THSD4: variants seen among roughly 807,000 people sequenced by gnomAD.
The protein encoded by THSD4 is thrombospondin type-1 domain-containing protein 4.
A neutral mutation model predicts 119.0 loss-of-function variants in THSD4; 69 were observed. The observed-to-expected ratio is 0.58, with a 90% CI of 0.48 to 0.71. THSD4 has a LOEUF of 0.71. THSD4 is among the 30% of genes least tolerant of loss of function. The pLI, the probability that THSD4 is intolerant of heterozygous loss-of-function variation, is 0.00. For missense variants in THSD4, 1,393 were observed against 1,391.1 expected, an observed-to-expected ratio of 1.00 and a Z score of -0.02; for synonymous variants, 524 against 540.4, an observed-to-expected ratio of 0.97 and a Z score of 0.42.
chr15:71,735,472 T>TCTCTCTCACTCTCTC (rs1356932351), intron 10 of THSD4, among the ~76,000 whole-genome samples: 1 of 144,784 alleles, frequency 6.9e-6, no homozygotes, highest in African/African-American at 2.6e-5. Context: ...CTCTCTCTCT[T>TCTCTCTCACTCTCTC]TCTCACTAGC....
chr15:71,517,064 G>A (rs567146510), intron 7 of THSD4, among the ~76,000 whole-genome samples: 127 of 152,284 alleles, frequency 8.3e-4, no homozygotes, highest in Admixed American at 1.8e-3. Flanking sequence ...TAAAGCAGCA[G>A]ACATTTCACT....
chr15:71,503,773 C>T (rs1303487301), intron 7 of THSD4, among the ~76,000 whole-genome samples: 1 of 152,146 alleles, frequency 6.6e-6, no homozygotes, highest in East Asian at 1.9e-4. Context: ...GGTTGTTGGC[C>T]TAATGTATTG....
At chr15:71,604,075 A>C (rs2050062230) in intron 7 of THSD4, among the ~76,000 whole-genome samples, 1 of 152,214 alleles carries the variant, frequency 6.6e-6, no homozygotes, top group Admixed American at 6.5e-5. Context: ...GAAACATGAA[A>C]GTGCTGAAGA....
intron 6 of THSD4, among the ~76,000 whole-genome samples, chr15:71,281,411 T>G (rs1183382083): frequency 6.6e-6 from 1 of 152,262 alleles, no homozygotes; most frequent in Non-Finnish European, 1.5e-5. Flanking sequence ...AGAAATGTGA[T>G]TCAAGCGAAA....
chr15:71,516,970 A>G (rs867682984), intron 7 of THSD4, among the ~76,000 whole-genome samples: 6 of 152,322 alleles, frequency 3.9e-5, no homozygotes, highest in Admixed American at 3.3e-4. Flanking sequence ...AACGGCTGCC[A>G]TATTGGGCAG....
chr15:71,332,262 T>C (rs1159727999), intron 6 of THSD4, among the ~76,000 whole-genome samples: 1 of 152,218 alleles, frequency 6.6e-6, no homozygotes, highest in Non-Finnish European at 1.5e-5. Context: ...GCTGGAGCCG[T>C]TGGTCAATTT....
intron 7 of THSD4, among the ~76,000 whole-genome samples, chr15:71,502,267 G>A (rs1158343411): frequency 6.6e-6 from 1 of 152,082 alleles, no homozygotes. Flanking sequence ...TATAATATAG[G>A]GTCAGCCCAG....
At chr15:71,263,443 A>G (rs955662169) in intron 6 of THSD4, among the ~76,000 whole-genome samples, 2 of 151,944 alleles carry the variant, frequency 1.3e-5, no homozygotes, top group South Asian at 2.1e-4. Flanking sequence ...ACATACATGC[A>G]TATGTTCATA....
intron 3 of THSD4, chr15:71,183,022 C>T (rs1049013317): frequency 2.6e-5 from 4 of 151,938 alleles, no homozygotes; most frequent in Admixed American, 2.0e-4. Flanking sequence ...AACCTGGACT[C>T]TGTATTAGTC....
chr15:71,472,914 AC>A (rs1031826320), intron 7 of THSD4, among the ~76,000 whole-genome samples: 1 of 152,214 alleles, frequency 6.6e-6, no homozygotes, highest in African/African-American at 2.4e-5. Context: ...TAACTCTGGC[AC>A]GGAGAATACC....
chr15:71,592,747 A>G (rs2049831323), intron 7 of THSD4, among the ~76,000 whole-genome samples: 1 of 152,036 alleles, frequency 6.6e-6, no homozygotes, highest in African/African-American at 2.4e-5. Context: ...TGAGAACAGC[A>G]TGCATTAGAA....
intron 6 of THSD4, among the ~76,000 whole-genome samples, chr15:71,350,455 C>T (rs1432697481): frequency 6.6e-6 from 1 of 152,112 alleles, no homozygotes; most frequent in Non-Finnish European, 1.5e-5. Flanking sequence ...AGTTCTGCAC[C>T]TGGGGCTGCC....
chr15:71,330,049 T>C (rs1210051020), intron 6 of THSD4, among the ~76,000 whole-genome samples: 4 of 148,474 alleles, frequency 2.7e-5, no homozygotes, highest in Non-Finnish European at 4.5e-5. Flanking sequence ...CATTGCACAA[T>C]CTAAACTGGG....
intron 4 of THSD4, among the ~76,000 whole-genome samples, chr15:71,228,097 G>A (rs1331210643): frequency 6.6e-6 from 1 of 152,082 alleles, no homozygotes; most frequent in Non-Finnish European, 1.5e-5. Flanking sequence ...TTGGAAAAAG[G>A]GTCTTTTCAG....
intron 6 of THSD4, among the ~76,000 whole-genome samples, chr15:71,274,261 T>C (rs1184829511): frequency 6.6e-6 from 1 of 152,208 alleles, no homozygotes; most frequent in Non-Finnish European, 1.5e-5. Flanking sequence ...CAACTGTCAT[T>C]TCATCATTCA....
intron 7 of THSD4, among the ~76,000 whole-genome samples, chr15:71,462,550 AC>A (rs2047443646): frequency 6.6e-6 from 1 of 152,318 alleles, no homozygotes; most frequent in African/African-American, 2.4e-5. Flanking sequence ...CAGTGATAAA[AC>A]ACATGCCACC....
intron 5 of THSD4, among the ~76,000 whole-genome samples, chr15:71,244,941 C>G (rs2044186828): frequency 6.6e-6 from 1 of 152,236 alleles, no homozygotes; most frequent in South Asian, 2.1e-4. Flanking sequence ...CTGATGCCCG[C>G]TTAGCATTCC....
At chr15:71,775,016 C>G (rs903058098) in intron 17 of THSD4, among the ~76,000 whole-genome samples, 1 of 151,922 alleles carries the variant, frequency 6.6e-6, no homozygotes, top group Non-Finnish European at 1.5e-5. Context: ...CATGGTGGCA[C>G]GTGCATGTAG....
Position 71,207,634 on chromosome 15 carries a change from G to A in THSD4, c.100-7401G>A, listed in dbSNP as rs1215139048. 5.9e-5 allele frequency among the ~76,000 whole-genome samples: 9 copies of A among 152,288 alleles called. No homozygotes were observed. In the South Asian group the frequency reaches 6.2e-4, roughly 11 times the overall value. ...AGCAGGAGGTGAGCGGCGGGTCAGCGGGCATTACCATCTGAGCTCCACCTC... is the reference window on the plus strand; with the variant it reads ...AGCAGGAGGTGAGCGGCGGGTCAGCAGGCATTACCATCTGAGCTCCACCTC... On this transcript the variant is annotated intron_variant, in intron 3 of 17. Transcript: ENST00000261862.
Sources: gnomAD v4.1 joint callset for allele counts (sites outside exome capture counted in the v4.1 genomes callset) on GRCh38, gnomAD v4.1.1 for gene constraint, MANE v1.5 for transcripts, NCBI Gene and HGNC (gene_info 2026-07-23, HGNC 2026-07-21) for gene names.